ANXA8: variants seen among roughly 807,000 people sequenced by gnomAD.
ANXA8 encodes VAC-beta.
In ANXA8, 9 loss-of-function variants were observed where a neutral mutation model predicts 26.8. That is an observed-to-expected ratio of 0.34 (90% CI 0.20 to 0.59). The LOEUF (loss-of-function observed/expected upper bound fraction) is 0.59, where lower values mean the gene tolerates loss of function less well. ANXA8 is among the 20% of genes least tolerant of loss of function. The probability of loss-of-function intolerance (pLI) is 0.84; values close to 1 mark genes in which losing one functional copy is unlikely to be tolerated. For missense variants in ANXA8, 83 were observed against 238.5 expected (o/e 0.35, Z 4.29); for synonymous variants, 39 against 94.8 (o/e 0.41, Z 3.42).
At chr10:47,659,183 T>G in the ANXA8 span, among the ~76,000 whole-genome samples, 1 of 151,758 alleles carries the variant, frequency 6.6e-6, no homozygotes, top group South Asian at 2.1e-4. Context: ...GTTGAAGTTT[T>G]TAATATAGCC....
At chr10:47,768,099 G>A in the ANXA8 span, among the ~76,000 whole-genome samples, 5 of 150,694 alleles carry the variant, frequency 3.3e-5, 1 homozygote, top group Admixed American at 3.3e-4. Context: ...CTGAGGCAAG[G>A]CTTGTCCTTC....
the ANXA8 span, chr10:47,502,213 A>G: frequency 6.4e-7 from 1 of 1,556,922 alleles, no homozygotes; most frequent in Non-Finnish European, 8.7e-7. Flanking sequence ...GAGCTGCTCC[A>G]GGACCACATT....
chr10:47,558,518 A>G, the ANXA8 span, among the ~76,000 whole-genome samples: 5 of 146,860 alleles, frequency 3.4e-5, no homozygotes, highest in African/African-American at 1.0e-4. Flanking sequence ...GGAGTCTAAC[A>G]GGGTTTTAAG....
chr10:47,498,178 C>A, the ANXA8 span, among the ~76,000 whole-genome samples: 2 of 150,372 alleles, frequency 1.3e-5, no homozygotes, highest in Non-Finnish European at 3.0e-5. Context: ...TCCCTGGCAA[C>A]CCCCGTTCTA....
chr10:47,665,163 G>A, the ANXA8 span, among the ~76,000 whole-genome samples: 1 of 148,614 alleles, frequency 6.7e-6, no homozygotes, highest in African/African-American at 2.6e-5. Flanking sequence ...TATAGAAACT[G>A]CAAATTAAAA....
the ANXA8 span, chr10:47,986,213 T>C: frequency 2.0e-5 from 3 of 151,944 alleles, no homozygotes; most frequent in Non-Finnish European, 4.4e-5. Context: ...CCTTACTCAC[T>C]AGAAATACAT....
At chr10:47,553,549 T>C in the ANXA8 span, 20,901 of 150,342 alleles carry the variant, frequency 0.14, 651 homozygotes, top group East Asian at 0.41. Flanking sequence ...TCGCGCCGAC[T>C]CGCCGGAGGG....
At chr10:47,548,944 C>T in the ANXA8 span, among the ~76,000 whole-genome samples, 2 of 152,294 alleles carry the variant, frequency 1.3e-5, no homozygotes, top group African/African-American at 4.8e-5. Context: ...AAGCAGTTAG[C>T]ACAGTGCCAG....
chr10:47,560,492 T>C, the ANXA8 span, among the ~76,000 whole-genome samples: 1 of 151,710 alleles, frequency 6.6e-6, no homozygotes. Flanking sequence ...TTGTTCAAAC[T>C]CCTGTCAGTT....
At chr10:47,497,783 C>T in the ANXA8 span, among the ~76,000 whole-genome samples, 2 of 150,444 alleles carry the variant, frequency 1.3e-5, no homozygotes, top group South Asian at 4.2e-4. Flanking sequence ...ACTAAACATA[C>T]AAAAATTAGT....
chr10:47,559,704 C>T, the ANXA8 span, among the ~76,000 whole-genome samples: 6 of 151,488 alleles, frequency 4.0e-5, 1 homozygote, highest in African/African-American at 7.3e-5. Flanking sequence ...GAATTAAAAA[C>T]GTGTGTATCA....
the ANXA8 span, among the ~76,000 whole-genome samples, chr10:47,944,495 G>A: frequency 1.4e-4 from 21 of 150,322 alleles, 3 homozygotes; most frequent in African/African-American, 5.2e-4. Context: ...TGGTTTGGCT[G>A]TGTCTCCATC....
chr10:47,496,004 TGGGAAGGCA>T, the ANXA8 span, among the ~76,000 whole-genome samples: 1 of 151,372 alleles, frequency 6.6e-6, no homozygotes, highest in African/African-American at 2.4e-5. Flanking sequence ...CGGGAACACT[TGGGAAGGCA>T]GGGCTGAGTC....
the ANXA8 span, chr10:47,691,326 G>A: frequency 1.2e-6 from 1 of 818,882 alleles, no homozygotes; most frequent in East Asian, 3.0e-5. Context: ...TCTTTCTTTA[G>A]TCATTTGCCT....
chr10:47,556,773 GA>G, the ANXA8 span, among the ~76,000 whole-genome samples: 5 of 145,954 alleles, frequency 3.4e-5, no homozygotes, highest in African/African-American at 5.0e-5. Flanking sequence ...AATTTTTAAT[GA>G]AAAAAAGTAT....
At chr10:47,553,392 A>C in the ANXA8 span, 1 of 154,606 alleles carries the variant, frequency 6.5e-6, no homozygotes, top group Non-Finnish European at 1.4e-5. Context: ...CCGGGGGAGG[A>C]CCTTCCCATG....
chr10:47,484,127 G>A (rs1419350385), upstream of ANXA8: 102 of 1,410,964 alleles, frequency 7.2e-5, no homozygotes, highest in Non-Finnish European at 9.4e-5. Flanking sequence ...CCTGGCTTTG[G>A]GCATCTCCTG....
chr10:47,600,521 A>G, the ANXA8 span, among the ~76,000 whole-genome samples: 2 of 149,036 alleles, frequency 1.3e-5, no homozygotes, highest in Admixed American at 1.3e-4. Flanking sequence ...GCCCTGCTCA[A>G]CTGAGGCACT....
the ANXA8 span, among the ~76,000 whole-genome samples, chr10:47,952,347 A>C: frequency 6.6e-6 from 1 of 150,878 alleles, no homozygotes; most frequent in Admixed American, 6.6e-5. Context: ...TCATAGAAGA[A>C]ATAATAATGT....
Sources: allele counts gnomAD v4.1 joint callset (sites outside exome capture counted in the v4.1 genomes callset), GRCh38; gene constraint gnomAD v4.1.1; transcripts MANE v1.5; gene names NCBI Gene and HGNC (gene_info 2026-07-23, HGNC 2026-07-21).